UBE3D: variants seen among roughly 807,000 people sequenced by gnomAD.
UBE3D encodes ubiquitin protein ligase E3D.
A neutral mutation model predicts 49.6 loss-of-function variants in UBE3D; 48 were observed. That is an observed-to-expected ratio of 0.97 (90% CI 0.77 to 1.23). The LOEUF (loss-of-function observed/expected upper bound fraction) is 1.23. Ranked by LOEUF, UBE3D falls within the 50% of genes most tolerant of loss-of-function variation. UBE3D has a pLI of 0.00. For missense variants in UBE3D, 452 were observed against 468.4 expected, an observed-to-expected ratio of 0.96 and a Z score of 0.32; for synonymous variants, 189 against 174.2, an observed-to-expected ratio of 1.08 and a Z score of -0.67.
intron 3 of UBE3D, among the ~76,000 whole-genome samples, chr6:83,049,451 T>C (rs550308750): frequency 6.6e-6 from 1 of 152,340 alleles, no homozygotes; most frequent in East Asian, 1.9e-4. Flanking sequence ...AAAAGTATAA[T>C]TTTATTCCAA....
chr6:82,942,827 C>G (rs141383839), intron 9 of UBE3D, among the ~76,000 whole-genome samples: 1 of 152,236 alleles, frequency 6.6e-6, no homozygotes, highest in Admixed American at 6.5e-5. Flanking sequence ...CAGTGAGGAG[C>G]AGAAATGTGG....
intron 1 of UBE3D, among the ~76,000 whole-genome samples, chr6:83,058,787 T>A (rs1030302884): frequency 2.7e-5 from 4 of 149,452 alleles, no homozygotes; most frequent in Admixed American, 6.6e-5. Context: ...GAAATCTGCC[T>A]TAGAAAATCT....
At chr6:83,022,238 G>GA (rs1781152233) in intron 7 of UBE3D, among the ~76,000 whole-genome samples, 1 of 152,122 alleles carries the variant, frequency 6.6e-6, no homozygotes, top group Non-Finnish European at 1.5e-5. Flanking sequence ...TGTTGGCCAG[G>GA]CTGGTCTCGA....
chr6:82,923,566 G>A (rs1007806356), intron 9 of UBE3D, among the ~76,000 whole-genome samples: 7 of 152,170 alleles, frequency 4.6e-5, no homozygotes, highest in African/African-American at 9.7e-5. Context: ...GGGCCCTGTG[G>A]GGGTGGGGGG....
chr6:83,056,832 C>A (rs895240246), intron 2 of UBE3D, among the ~76,000 whole-genome samples: 1 of 152,162 alleles, frequency 6.6e-6, no homozygotes, highest in East Asian at 1.9e-4. Flanking sequence ...GAGGCAGCAG[C>A]GAAGTGTCAG....
In UBE3D at chr6:83,031,132, C is replaced by G. The variant is rs564883646; in HGVS notation, c.668-7094G>C. ...AAGTGATTATCATGCCTCAGCCGCC[C>G]AAGTAGCTGGGCCTACAGGCGTGCA... On this transcript the variant is annotated intron_variant, in intron 5 of 9. Transcript: ENST00000369747. Among the ~76,000 whole-genome samples, 5 of 152,274 alleles carry G rather than the reference C, an allele frequency of 3.3e-5. No homozygotes were observed. The South Asian group carries it at 8.3e-4, about 25-fold the overall frequency.
intron 8 of UBE3D, among the ~76,000 whole-genome samples, chr6:83,016,818 G>A (rs1172421423): frequency 6.6e-6 from 1 of 152,114 alleles, no homozygotes; most frequent in Non-Finnish European, 1.5e-5. Flanking sequence ...CAAAGCTGAA[G>A]AACTTGGAGT....
At chr6:82,986,332 G>A (rs1229705536) in intron 8 of UBE3D, among the ~76,000 whole-genome samples, 2 of 151,836 alleles carry the variant, frequency 1.3e-5, no homozygotes, top group Admixed American at 1.3e-4. Context: ...TTAGCCAGGT[G>A]TGGTGGCACA....
intron 9 of UBE3D, among the ~76,000 whole-genome samples, chr6:82,923,593 A>G (rs1393446879): frequency 6.6e-6 from 1 of 152,210 alleles, no homozygotes; most frequent in Non-Finnish European, 1.5e-5. Context: ...GAGGGATAAC[A>G]TTAGGAGAAA....
rs556465287 is a variant in UBE3D, at chr6:83,013,696, C to G, written c.1010+5277G>C. Among the ~76,000 whole-genome samples the G allele has an allele frequency of 3.9e-5, 6 of 152,336 alleles. No homozygotes were observed. In the East Asian group the frequency reaches 1.2e-3, roughly 29 times the overall value. ...TTCCTTCACCTTAGAAGGAATATCT[C>G]AACAGGCCCCACACCACTGGACCCC... On this transcript the variant is annotated intron_variant, in intron 8 of 9. Coordinates refer to ENST00000369747, the MANE Select transcript of UBE3D (RefSeq NM_198920.3).
At chr6:83,025,221 C>T (rs80247253) in intron 5 of UBE3D, among the ~76,000 whole-genome samples, 4,244 of 152,258 alleles carry the variant, frequency 0.028, 91 homozygotes, top group Non-Finnish European at 0.04. Context: ...TCCCAAAACA[C>T]AGATGCGGTG....
At chr6:83,053,177 T>C (rs1480065780) in intron 3 of UBE3D, among the ~76,000 whole-genome samples, 3 of 5,606 alleles carry the variant, frequency 5.4e-4, no homozygotes, top group South Asian at 6.5e-3. Flanking sequence ...GTGTATTTTA[T>C]GTGTAGCCCA....
At chr6:83,015,546 C>T (rs1780637913) in intron 8 of UBE3D, among the ~76,000 whole-genome samples, 1 of 152,182 alleles carries the variant, frequency 6.6e-6, no homozygotes, top group African/African-American at 2.4e-5. Context: ...ATCCCACACC[C>T]TTAGTATCCA....
intron 5 of UBE3D, among the ~76,000 whole-genome samples, chr6:83,034,737 C>T (rs1215275064): frequency 6.7e-6 from 1 of 149,252 alleles, no homozygotes; most frequent in African/African-American, 2.6e-5. Flanking sequence ...TTCCTGAGGC[C>T]TTCCCAGCCA....
chr6:82,996,122 C>T (rs944756736), intron 8 of UBE3D, among the ~76,000 whole-genome samples: 8 of 151,860 alleles, frequency 5.3e-5, no homozygotes, highest in Admixed American at 1.3e-4. Flanking sequence ...AAAAAAGAAC[C>T]AGAACTTCTT....
At chr6:82,924,073 T>C (rs531577571) in intron 9 of UBE3D, among the ~76,000 whole-genome samples, 58 of 150,936 alleles carry the variant, frequency 3.8e-4, no homozygotes, top group South Asian at 6.3e-4. Flanking sequence ...AGCATGCATA[T>C]GCACAAGCAG....
chr6:82,881,224 T>A, the UBE3D span, among the ~76,000 whole-genome samples: 1 of 152,124 alleles, frequency 6.6e-6, no homozygotes, highest in Non-Finnish European at 1.5e-5. Context: ...ATGATCAGAG[T>A]CCTGGTTTTG....
At chr6:83,003,872 A>G (rs1464785871) in intron 8 of UBE3D, among the ~76,000 whole-genome samples, 1 of 152,212 alleles carries the variant, frequency 6.6e-6, no homozygotes, top group Non-Finnish European at 1.5e-5. Flanking sequence ...AAATGAAAGA[A>G]GTATGTGCTT....
chr6:82,990,373 G>T (rs1778802384), intron 8 of UBE3D, among the ~76,000 whole-genome samples: 1 of 152,076 alleles, frequency 6.6e-6, no homozygotes, highest in Non-Finnish European at 1.5e-5. Context: ...CACCTCCTGG[G>T]TTCAAGGGAT....
Sources: allele counts gnomAD v4.1 joint callset (sites outside exome capture counted in the v4.1 genomes callset), GRCh38; gene constraint gnomAD v4.1.1; transcripts MANE v1.5; gene names NCBI Gene and HGNC (gene_info 2026-07-23, HGNC 2026-07-21).